TDRD9: variants seen among roughly 807,000 people sequenced by gnomAD.
The protein encoded by TDRD9 is tudor domain containing 9.
Under a neutral mutation model 172.6 loss-of-function variants are expected in TDRD9, and 124 were observed. The ratio of observed to expected loss-of-function variants is 0.72; its 90% confidence interval spans 0.62 to 0.83. The LOEUF (loss-of-function observed/expected upper bound fraction) is 0.83, where lower values mean the gene tolerates loss of function less well. Ranked by LOEUF, TDRD9 falls within the 40% of genes least tolerant of loss-of-function variation. The pLI is 0.00. For synonymous variants in TDRD9, 619 were observed against 617.1 expected (o/e 1.00, Z -0.05); for missense variants, 1,479 against 1,714.1 (o/e 0.86, Z 2.42).
chr14:103,940,611 A>G (rs1261234011), intron 1 of TDRD9: 1 of 453,440 alleles, frequency 2.2e-6, no homozygotes, highest in Admixed American at 3.9e-5. Context: ...GAAACATTTT[A>G]GTTAAAAGCA....
At chr14:103,943,839 T>G (rs2031407937) in intron 1 of TDRD9, among the ~76,000 whole-genome samples, 1 of 152,208 alleles carries the variant, frequency 6.6e-6, no homozygotes, top group Non-Finnish European at 1.5e-5. Context: ...TTGCATGTCA[T>G]GCATGACCCA....
At chr14:104,037,878 C>T (rs976169840) in intron 32 of TDRD9, among the ~76,000 whole-genome samples, 1 of 152,156 alleles carries the variant, frequency 6.6e-6, no homozygotes, top group Non-Finnish European at 1.5e-5. Flanking sequence ...AGGTGTTTTC[C>T]CTGAACAGTT....
intron 1 of TDRD9, chr14:103,941,091 A>AAC (rs2031201221): frequency 6.5e-7 from 1 of 1,533,248 alleles, no homozygotes. Context: ...TTTCTGCCAA[A>AAC]ACTTCTCGAA....
chr14:103,967,109 G>T (rs1435333612), intron 5 of TDRD9, among the ~76,000 whole-genome samples: 1 of 152,056 alleles, frequency 6.6e-6, no homozygotes, highest in East Asian at 1.9e-4. Context: ...CAGTAATTCT[G>T]TTTGGGAAGC....
intron 30 of TDRD9, among the ~76,000 whole-genome samples, chr14:104,033,446 A>G (rs2035347595): frequency 6.6e-6 from 1 of 152,214 alleles, no homozygotes; most frequent in African/African-American, 2.4e-5. Flanking sequence ...AAACAGCTTC[A>G]CCAGCACTTT....
chr14:103,995,792 C>A lies in TDRD9; in HGVS notation c.1363C>A (p.Pro455Thr). The change falls in exon 12 of 36, where the codon CCA becomes ACA. Residue 455 changes from proline to threonine, a missense_variant. Transcript: ENST00000409874. ...TATTGCAGAGAGTTCTGTCACAGTT[C>A]CAGATGTCAAATATGGTAAGATACT... ...TNIAESSVTVPDVKYVIDFCL... is the reference protein window; with the variant it reads ...TNIAESSVTVTDVKYVIDFCL... 6.2e-7 allele frequency: 1 copy of A among 1,608,162 alleles called. No individual in the cohort carries two copies. Among genetic ancestry groups the A allele is most frequent in the Non-Finnish European group, 8.5e-7 (1 of 1,177,504 alleles).
chr14:104,006,557 A>T lies in TDRD9; in HGVS notation c.1879+3A>T. 2 of 1,613,038 alleles carry T rather than the reference A, an allele frequency of 1.2e-6. No homozygotes were observed. Among genetic ancestry groups the T allele is most frequent in the Non-Finnish European group, 1.7e-6 (2 of 1,179,086 alleles). ...TCTAGATGAATGTCTTATTATAGGT[A>T]AGTGTGAGAACAAATAAATGCTAAT... is the stretch of plus-strand genomic sequence containing the variant. On this transcript the variant is annotated splice_donor_region_variant and intron_variant, in intron 16 of 35. Transcript: ENST00000409874.
At chr14:104,018,295 C>A in intron 23 of TDRD9, 103 bp downstream of exon 23, 1 of 683,986 alleles carries the variant, frequency 1.5e-6, no homozygotes, top group Admixed American at 2.8e-5. Flanking sequence ...GAAATGGGTC[C>A]TCCTATGGGC....
At chr14:103,974,689 A>G (rs1277237306) in intron 6 of TDRD9, among the ~76,000 whole-genome samples, 8 of 151,836 alleles carry the variant, frequency 5.3e-5, no homozygotes, top group Non-Finnish European at 1.2e-4. Context: ...TGCCCAGGCT[A>G]GAGTGCAGTG....
chr14:104,043,411 T>G (rs2035667883), intron 34 of TDRD9, among the ~76,000 whole-genome samples: 1 of 152,070 alleles, frequency 6.6e-6, no homozygotes, highest in African/African-American at 2.4e-5. Flanking sequence ...CAGCTAATTT[T>G]TATATTTTTA....
chr14:103,952,794 A>G (rs896800269), intron 1 of TDRD9, among the ~76,000 whole-genome samples: 1 of 122,422 alleles, frequency 8.2e-6, no homozygotes, highest in Non-Finnish European at 1.6e-5. Context: ...GCTGGAGTGC[A>G]GTGGTGCGAT....
chr14:103,941,257 A>G (rs1183010256), intron 1 of TDRD9: 1 of 951,414 alleles, frequency 1.1e-6, no homozygotes, highest in Admixed American at 2.9e-5. Context: ...AAGAAATTTT[A>G]AATGTAATTT....
chr14:104,006,837 G>T lies in TDRD9; in HGVS notation c.1999G>T (p.Ala667Ser). Residue 667 changes from alanine to serine, a missense_variant, in exon 18 of 36, where the codon GCA becomes TCA. Ala to Ser is a moderately conservative substitution (Grantham distance 99). Around this residue, in one of 3 missense-constraint regions of TDRD9, gnomAD observed 1,413 missense variants for 1,649.1 expected, o/e 0.86. Coordinates refer to ENST00000409874, the MANE Select transcript of TDRD9 (RefSeq NM_153046.3). ...SKSDCIALVEAFKTWKACRQT... is the reference protein window; with the variant it reads ...SKSDCIALVESFKTWKACRQT... ...GAGTGACTGTATTGCACTTGTTGAG[G>T]CATTTAAAGTAAGTTTTCTGTTGTG... The T allele has an allele frequency of 3.1e-6, 5 of 1,612,252 alleles. No individual in the cohort carries two copies. Among genetic ancestry groups the T allele is most frequent in the Non-Finnish European group, 4.2e-6 (5 of 1,179,016 alleles).
intron 6 of TDRD9, among the ~76,000 whole-genome samples, chr14:103,971,988 C>A (rs1160042714): frequency 6.6e-6 from 1 of 151,886 alleles, no homozygotes; most frequent in African/African-American, 2.4e-5. Context: ...GAAACCCCAT[C>A]TCTACAAAAA....
At chr14:103,982,092 C>T (rs1232224816) in intron 7 of TDRD9, among the ~76,000 whole-genome samples, 2 of 151,566 alleles carry the variant, frequency 1.3e-5, no homozygotes, top group East Asian at 1.9e-4. Context: ...GAGCACCAGC[C>T]GCGCCTCCTG....
At chr14:103,930,045 G>A (rs2030270742) in intron 1 of TDRD9, among the ~76,000 whole-genome samples, 1 of 152,190 alleles carries the variant, frequency 6.6e-6, no homozygotes, top group African/African-American at 2.4e-5. Context: ...GATTTGGTGA[G>A]TAGAAACACC....
chr14:103,970,744 C>A, intron 6 of TDRD9, 123 bp downstream of exon 6: 2 of 715,584 alleles, frequency 2.8e-6, no homozygotes, highest in South Asian at 3.7e-5. Flanking sequence ...ATACTAAAAT[C>A]TGAGGATCCT....
chr14:103,986,330 A>C lies in TDRD9; in HGVS notation c.1115+10A>C. 1 of 1,570,958 alleles carries C rather than the reference A, an allele frequency of 6.4e-7. No individual in the cohort carries two copies. The highest frequency in any genetic ancestry group is 1.1e-5 in the South Asian group (1 of 87,546). Reference sequence around the variant, plus strand: ...ATATGAAGGAGAGTGGGTAAGAGATACTTCAGTTGGTAATGCACTTTAATG... The same window carrying C: ...ATATGAAGGAGAGTGGGTAAGAGATCCTTCAGTTGGTAATGCACTTTAATG... On this transcript the variant is annotated intron_variant, in intron 8 of 35. Transcript: ENST00000409874.
intron 28 of TDRD9, 39 bp from the exon 29 acceptor site, chr14:104,031,069 A>G (rs2035265701): frequency 6.5e-7 from 1 of 1,534,124 alleles, no homozygotes; most frequent in Non-Finnish European, 8.8e-7. Context: ...TCCTTGTAAT[A>G]TTTTCTTTTA....
Sources: allele counts gnomAD v4.1 joint callset (sites outside exome capture counted in the v4.1 genomes callset), GRCh38; gene constraint gnomAD v4.1.1; regional missense constraint gnomAD v4.1.1; transcripts MANE v1.5; gene names NCBI Gene and HGNC (gene_info 2026-07-23, HGNC 2026-07-21).